C1orf21: variants seen among roughly 807,000 people sequenced by gnomAD.
The protein encoded by C1orf21 is uncharacterized protein C1orf21.
Under a neutral mutation model 18.7 loss-of-function variants are expected in C1orf21, and 3 were observed. The observed-to-expected ratio is 0.16, with a 90% CI of 0.07 to 0.42. The LOEUF (loss-of-function observed/expected upper bound fraction) is 0.42, where lower values mean the gene tolerates loss of function less well. Ranked by LOEUF, C1orf21 falls within the 10% of genes least tolerant of loss-of-function variation. C1orf21 has a pLI of 0.99. For missense variants in C1orf21, 104 were observed against 143.6 expected (o/e 0.72, Z 1.41); for synonymous variants, 41 against 46.4 (o/e 0.88, Z 0.47).
intron 3 of C1orf21, among the ~76,000 whole-genome samples, chr1:184,582,713 A>G (rs1020912418): frequency 2.0e-4 from 30 of 152,234 alleles, no homozygotes; most frequent in African/African-American, 7.2e-4. Flanking sequence ...AAGGTAAAGA[A>G]GTGATAGGAG....
chr1:184,609,510 T>C (rs1037496140), intron 5 of C1orf21, among the ~76,000 whole-genome samples: 1 of 152,188 alleles, frequency 6.6e-6, no homozygotes, highest in African/African-American at 2.4e-5. Flanking sequence ...GCTAAAGCCA[T>C]TGTCCAAAAG....
intron 1 of C1orf21, among the ~76,000 whole-genome samples, chr1:184,463,531 C>A (rs1275241507): frequency 6.6e-6 from 1 of 152,168 alleles, no homozygotes; most frequent in South Asian, 2.1e-4. Flanking sequence ...ATCTTACACA[C>A]TTTTGCTTTC....
intron 2 of C1orf21, among the ~76,000 whole-genome samples, chr1:184,477,969 G>A (rs975196536): frequency 2.0e-5 from 3 of 152,224 alleles, no homozygotes; most frequent in African/African-American, 7.2e-5. Flanking sequence ...AAAGGGTGAT[G>A]AGACCTAATG....
At chr1:184,507,825 T>C in intron 3 of C1orf21, 143 bp downstream of exon 3, 2 of 645,564 alleles carry the variant, frequency 3.1e-6, no homozygotes, top group South Asian at 2.5e-5. Context: ...GCCTGGAAGC[T>C]GCACCATTAC....
chr1:184,614,906 G>A (rs1659797256), intron 5 of C1orf21, among the ~76,000 whole-genome samples: 2 of 152,208 alleles, frequency 1.3e-5, no homozygotes. Context: ...ACTTCATGCT[G>A]TGTGGCCTAA....
intron 3 of C1orf21, among the ~76,000 whole-genome samples, chr1:184,543,351 A>G (rs1281522735): frequency 6.6e-6 from 1 of 152,152 alleles, no homozygotes; most frequent in African/African-American, 2.4e-5. Flanking sequence ...ACAAGAAGAA[A>G]AAAAAAATCT....
Position 184,410,646 on chromosome 1 carries a change from TATATATATATATA to T in C1orf21, c.-125+23279_-125+23291del, listed in dbSNP as rs1490785107. ...ATATATATATATATATATATATATA[TATATATATATATA>T]TATATTTTTTTTTTTTTTTTTTGAG... On this transcript the variant is annotated intron_variant, in intron 1 of 5. Transcript: ENST00000235307. 9.4e-3 allele frequency among the ~76,000 whole-genome samples: 55 copies of T among 5,826 alleles called. 14 individuals are homozygous for T. Among genetic ancestry groups the T allele is most frequent in the East Asian group, 0.018 (3 of 164 alleles). The allele number at this position is 5,826 out of a possible 152,430, so 3.8% of individuals were successfully genotyped here.
At chr1:184,389,753 G>A (rs1416638699) in intron 1 of C1orf21, among the ~76,000 whole-genome samples, 3 of 152,072 alleles carry the variant, frequency 2.0e-5, no homozygotes, top group African/African-American at 7.2e-5. Context: ...TCTATAAGAC[G>A]TTTTTTTGTT....
At chr1:184,504,368 C>T (rs978477731) in intron 2 of C1orf21, among the ~76,000 whole-genome samples, 6 of 152,238 alleles carry the variant, frequency 3.9e-5, no homozygotes, top group African/African-American at 9.6e-5. Flanking sequence ...CTGGCTGTAA[C>T]GGTGGCTGTC....
intron 5 of C1orf21, among the ~76,000 whole-genome samples, chr1:184,608,569 A>G (rs1053954068): frequency 6.6e-6 from 1 of 152,222 alleles, no homozygotes; most frequent in Non-Finnish European, 1.5e-5. Context: ...TTATTGGCCA[A>G]TTAGCCAAAT....
chr1:184,606,741 G>A (rs1334626047), intron 5 of C1orf21, among the ~76,000 whole-genome samples: 1 of 152,144 alleles, frequency 6.6e-6, no homozygotes, highest in Non-Finnish European at 1.5e-5. Flanking sequence ...ACCTAGAAAT[G>A]AGCCAGGGCC....
At chr1:184,502,268 G>C (rs982704714) in intron 2 of C1orf21, among the ~76,000 whole-genome samples, 2 of 152,170 alleles carry the variant, frequency 1.3e-5, no homozygotes, top group Non-Finnish European at 2.9e-5. Context: ...CCTTCACATG[G>C]CAGAAAGTGG....
Position 184,444,370 on chromosome 1 carries a change from A to G in C1orf21, c.-124-33016A>G, listed in dbSNP as rs11576274. On this transcript the variant is annotated intron_variant, in intron 1 of 5. Transcript: ENST00000235307. Reference sequence around the variant, plus strand: ...GAATCATGGGGTCAGTTTCCACCGTACTGTTCTTGTGGTAGTGAATACGTC... The same window carrying G: ...GAATCATGGGGTCAGTTTCCACCGTGCTGTTCTTGTGGTAGTGAATACGTC... 2.1e-3 allele frequency among the ~76,000 whole-genome samples: 316 copies of G among 152,158 alleles called. 1 individual carries two copies. The highest frequency in any genetic ancestry group is 4.5e-3 in the Admixed American group (69 of 15,288).
chr1:184,516,350 A>G (rs1461118411), intron 3 of C1orf21, among the ~76,000 whole-genome samples: 2 of 152,228 alleles, frequency 1.3e-5, no homozygotes, highest in Admixed American at 1.3e-4. Flanking sequence ...GGAGATTGAA[A>G]TCAAGTTTTA....
At chr1:184,441,442 T>G (rs1323091679) in intron 1 of C1orf21, among the ~76,000 whole-genome samples, 1 of 152,216 alleles carries the variant, frequency 6.6e-6, no homozygotes, top group Admixed American at 6.5e-5. Flanking sequence ...CAATTCAAAT[T>G]TATTCACTAG....
intron 1 of C1orf21, among the ~76,000 whole-genome samples, chr1:184,440,983 T>C (rs1408618101): frequency 6.6e-6 from 1 of 152,228 alleles, no homozygotes; most frequent in East Asian, 1.9e-4. Flanking sequence ...AGGATCCTAT[T>C]TGATGTTTTT....
At chr1:184,485,851 G>A (rs1235514439) in intron 2 of C1orf21, among the ~76,000 whole-genome samples, 1 of 152,208 alleles carries the variant, frequency 6.6e-6, no homozygotes. Context: ...AGGTGAGAGA[G>A]AAAATCATGT....
chr1:184,400,503 C>T (rs1656134489), intron 1 of C1orf21, among the ~76,000 whole-genome samples: 1 of 152,146 alleles, frequency 6.6e-6, no homozygotes, highest in Non-Finnish European at 1.5e-5. Flanking sequence ...TACTGTAGTT[C>T]TGCACCTTGC....
chr1:184,589,954 C>T (rs1659413011), intron 3 of C1orf21, among the ~76,000 whole-genome samples: 1 of 152,174 alleles, frequency 6.6e-6, no homozygotes, highest in African/African-American at 2.4e-5. Flanking sequence ...CCTCAAGTTC[C>T]TCGAGTGTAT....
Sources: allele counts gnomAD v4.1 joint callset (sites outside exome capture counted in the v4.1 genomes callset), GRCh38; gene constraint gnomAD v4.1.1; transcripts MANE v1.5; gene names NCBI Gene and HGNC (gene_info 2026-07-23, HGNC 2026-07-21).